IL1RAPL1: variants seen among roughly 807,000 people sequenced by gnomAD.
The protein encoded by IL1RAPL1 is interleukin-1 receptor accessory protein-like 1.
Under a neutral mutation model 48.4 loss-of-function variants are expected in IL1RAPL1, and 3 were observed. The observed-to-expected ratio is 0.06, with a 90% CI of 0.03 to 0.16. The LOEUF is 0.16. Ranked by LOEUF, IL1RAPL1 falls within the 10% of genes least tolerant of loss-of-function variation. The pLI is 1.00. For missense variants in IL1RAPL1, 349 were observed against 530.6 expected (o/e 0.66, Z 3.36); for synonymous variants, 185 against 187.7 (o/e 0.99, Z 0.12).
chrX:29,509,695 A>G (rs1935373736), intron 5 of IL1RAPL1, among the ~76,000 whole-genome samples: 1 of 111,917 alleles, frequency 8.9e-6, no homozygotes, highest in African/African-American at 3.3e-5. Flanking sequence ...ACGCACACAC[A>G]CACACACCAC....
chrX:29,911,747 C>T (rs188531535), intron 6 of IL1RAPL1, among the ~76,000 whole-genome samples: 84 of 111,916 alleles, frequency 7.5e-4, no homozygotes, highest in African/African-American at 2.4e-3. Context: ...GCTATAGACA[C>T]GACATACTTT....
intron 2 of IL1RAPL1, among the ~76,000 whole-genome samples, chrX:29,011,982 C>T (rs1926132950): frequency 9.0e-6 from 1 of 111,715 alleles, no homozygotes; most frequent in South Asian, 3.7e-4. Context: ...GTTATTATTG[C>T]ACAGTGATAA....
chrX:29,131,912 T>C (rs1929030506), intron 2 of IL1RAPL1, among the ~76,000 whole-genome samples: 1 of 111,700 alleles, frequency 9.0e-6, no homozygotes, highest in Non-Finnish European at 1.9e-5. Flanking sequence ...ATGGCTTTAC[T>C]TGAAGGCGAC....
intron 6 of IL1RAPL1, among the ~76,000 whole-genome samples, chrX:29,872,019 C>G (rs1389313844): frequency 1.8e-5 from 2 of 111,709 alleles, no homozygotes; most frequent in Admixed American, 1.9e-4. Flanking sequence ...CTGTGCCCGG[C>G]CCAATCTAGA....
intron 2 of IL1RAPL1, among the ~76,000 whole-genome samples, chrX:29,024,426 A>G (rs921946356): frequency 3.6e-4 from 40 of 111,711 alleles, no homozygotes; most frequent in African/African-American, 1.1e-3. Flanking sequence ...TTAGCCACCA[A>G]TTGCATTTTT....
chrX:28,852,829 T>A (rs2147297826), intron 2 of IL1RAPL1, among the ~76,000 whole-genome samples: 1 of 110,901 alleles, frequency 9.0e-6, no homozygotes, highest in South Asian at 3.8e-4. Context: ...CGCCTTCAGA[T>A]ATTTGCTGTA....
chrX:29,495,404 A>G (rs903124253), intron 5 of IL1RAPL1, among the ~76,000 whole-genome samples: 4 of 111,938 alleles, frequency 3.6e-5, no homozygotes, highest in African/African-American at 1.3e-4. Context: ...TAGGGCAAAG[A>G]AAGTAGAAAT....
At chrX:28,931,846 G>C (rs1923889559) in intron 2 of IL1RAPL1, among the ~76,000 whole-genome samples, 1 of 109,086 alleles carries the variant, frequency 9.2e-6, no homozygotes, top group Non-Finnish European at 1.9e-5. Flanking sequence ...GACCATCCTT[G>C]CTAACGTGGT....
chrX:29,233,674 G>T (rs1186922664), intron 2 of IL1RAPL1, among the ~76,000 whole-genome samples: 1 of 111,137 alleles, frequency 9.0e-6, no homozygotes, highest in East Asian at 2.8e-4. Context: ...CTATGAATAG[G>T]ATGGATACCA....
chrX:29,939,405 A>G (rs1364806171), intron 8 of IL1RAPL1, among the ~76,000 whole-genome samples: 1 of 112,164 alleles, frequency 8.9e-6, no homozygotes, highest in African/African-American at 3.2e-5. Context: ...CCCTGTGGGC[A>G]TAAGTTAGAA....
At chrX:29,829,851 T>C (rs984602050) in intron 6 of IL1RAPL1, among the ~76,000 whole-genome samples, 1 of 112,103 alleles carries the variant, frequency 8.9e-6, no homozygotes, top group Non-Finnish European at 1.9e-5. Flanking sequence ...ACACTTTTCA[T>C]AGAGGATGTA....
intron 3 of IL1RAPL1, among the ~76,000 whole-genome samples, chrX:29,324,840 A>G (rs1932833174): frequency 9.0e-6 from 1 of 111,366 alleles, no homozygotes; most frequent in South Asian, 3.8e-4. Flanking sequence ...AATATAATCA[A>G]TGTGATCAAT....
At chrX:29,341,697 A>G (rs1933077433) in intron 3 of IL1RAPL1, among the ~76,000 whole-genome samples, 1 of 112,067 alleles carries the variant, frequency 8.9e-6, no homozygotes, top group Non-Finnish European at 1.9e-5. Flanking sequence ...GAGTATGCTA[A>G]TATGTGAATG....
chrX:29,954,987 C>T (rs1933391260), intron 10 of IL1RAPL1, 115 bp from the exon 11 acceptor site: 2 of 655,306 alleles, frequency 3.1e-6, no homozygotes, highest in Admixed American at 2.4e-5. Flanking sequence ...AGAAGCAAGT[C>T]CCAAACTCTA....
At chrX:29,674,240 A>G (rs1227957192) in intron 6 of IL1RAPL1, among the ~76,000 whole-genome samples, 5 of 111,368 alleles carry the variant, frequency 4.5e-5, no homozygotes, top group South Asian at 3.8e-4. Context: ...CAGCCTGGTC[A>G]ATATAGTGAG....
chrX:28,702,084 G>C (rs1044447455), intron 1 of IL1RAPL1, among the ~76,000 whole-genome samples: 43 of 111,369 alleles, frequency 3.9e-4, no homozygotes, highest in Non-Finnish European at 7.5e-4. Flanking sequence ...AGGCTGTGGT[G>C]CTAGATTTCC....
chrX:29,946,392 GTAA>G (rs1325523902), intron 9 of IL1RAPL1, among the ~76,000 whole-genome samples: 2 of 109,974 alleles, frequency 1.8e-5, no homozygotes, highest in African/African-American at 3.3e-5. Flanking sequence ...GTTAGTCTTT[GTAA>G]TAACACAGCT....
chrX:29,686,714 C>T (rs919590666), intron 6 of IL1RAPL1, among the ~76,000 whole-genome samples: 6 of 108,866 alleles, frequency 5.5e-5, no homozygotes, highest in African/African-American at 1.7e-4. Flanking sequence ...CCCGCCACCA[C>T]GCCCAGCTAA....
intron 6 of IL1RAPL1, among the ~76,000 whole-genome samples, chrX:29,802,789 GTGTATA>G (rs1167770339): frequency 0.017 from 452 of 26,130 alleles, 22 homozygotes; most frequent in African/African-American, 0.064. Flanking sequence ...ATATGTGTGT[GTGTATA>G]TATATATATA....
Sources: gnomAD v4.1 joint callset for allele counts (sites outside exome capture counted in the v4.1 genomes callset) on GRCh38, gnomAD v4.1.1 for gene constraint, MANE v1.5 for transcripts, NCBI Gene and HGNC (gene_info 2026-07-23, HGNC 2026-07-21) for gene names.